The following DSCAML1 variants were observed in gnomAD, a reference collection of about 807,000 sequenced individuals.
DSCAML1 encodes the protein cell adhesion molecule DSCAML1.
In DSCAML1, 38 loss-of-function variants were observed where a neutral mutation model predicts 200.5. The observed-to-expected ratio is 0.19, with a 90% CI of 0.15 to 0.25. DSCAML1 has a LOEUF of 0.25. Among genes scored for constraint, DSCAML1 ranks in the 10% least tolerant of loss-of-function variants. The probability of loss-of-function intolerance (pLI) is 1.00; values close to 1 mark genes in which losing one functional copy is unlikely to be tolerated. For missense variants in DSCAML1, 2,223 were observed against 2,858.8 expected (o/e 0.78, Z 5.07); for synonymous variants, 1,215 against 1,165.0 (o/e 1.04, Z -0.87).
intron 5 of DSCAML1, among the ~76,000 whole-genome samples, chr11:117,522,111 G>A (rs10892135): frequency 0.23 from 34,968 of 152,164 alleles, 4,211 homozygotes; most frequent in East Asian, 0.34. Context: ...ACCTGCCTGC[G>A]ATTTCTGCAT....
chr11:117,690,441 C>T (rs975837521), intron 3 of DSCAML1, among the ~76,000 whole-genome samples: 1 of 152,268 alleles, frequency 6.6e-6, no homozygotes, highest in African/African-American at 2.4e-5. Context: ...CCAAGCTGCC[C>T]TCACGGGCCT....
intron 3 of DSCAML1, among the ~76,000 whole-genome samples, chr11:117,587,688 G>A (rs774317293): frequency 2.6e-5 from 4 of 152,194 alleles, no homozygotes; most frequent in Admixed American, 6.5e-5. Context: ...TACCCTCTGC[G>A]AGTGGAAAAG....
intron 1 of DSCAML1, among the ~76,000 whole-genome samples, chr11:117,793,993 G>A (rs928701475): frequency 6.6e-6 from 1 of 150,532 alleles, no homozygotes; most frequent in African/African-American, 2.5e-5. Context: ...CCTAAGTTGC[G>A]TTTGCCATTT....
At chr11:117,784,722 C>T (rs1261036263) in intron 1 of DSCAML1, among the ~76,000 whole-genome samples, 1 of 152,200 alleles carries the variant, frequency 6.6e-6, no homozygotes, top group Non-Finnish European at 1.5e-5. Flanking sequence ...TCTGGGTGCT[C>T]ACCCCTCACC....
intron 18 of DSCAML1, among the ~76,000 whole-genome samples, chr11:117,460,612 G>A (rs370178172): frequency 1.3e-5 from 2 of 152,276 alleles, no homozygotes; most frequent in South Asian, 4.1e-4. Flanking sequence ...TCCAGGTCAC[G>A]TGAAGGTCTG....
chr11:117,628,074 C>T (rs1471334475), intron 3 of DSCAML1, among the ~76,000 whole-genome samples: 2 of 152,192 alleles, frequency 1.3e-5, no homozygotes, highest in African/African-American at 2.4e-5. Context: ...GCATTTCAAC[C>T]TTATAGTATT....
intron 3 of DSCAML1, among the ~76,000 whole-genome samples, chr11:117,766,628 C>T (rs184437223): frequency 1.8e-4 from 28 of 152,326 alleles, no homozygotes; most frequent in Admixed American, 1.6e-3. Context: ...TGCTCTGTGT[C>T]CACCGCCAGG....
intron 3 of DSCAML1, among the ~76,000 whole-genome samples, chr11:117,672,164 T>C (rs1311408993): frequency 6.7e-6 from 1 of 150,360 alleles, no homozygotes; most frequent in Non-Finnish European, 1.5e-5. Flanking sequence ...CCCCTCATTT[T>C]GGAGATGAGG....
chr11:117,691,419 TG>T (rs1456833429), intron 3 of DSCAML1, among the ~76,000 whole-genome samples: 1 of 152,216 alleles, frequency 6.6e-6, no homozygotes, highest in Non-Finnish European at 1.5e-5. Flanking sequence ...ATTATGGTTA[TG>T]TATAATTCTG....
At chr11:117,610,474 A>G (rs1430730417) in intron 3 of DSCAML1, among the ~76,000 whole-genome samples, 1 of 151,992 alleles carries the variant, frequency 6.6e-6, no homozygotes, top group Non-Finnish European at 1.5e-5. Flanking sequence ...TACAAATGGA[A>G]TCTAGTTAGT....
At chr11:117,566,531 T>C (rs1429232137) in intron 3 of DSCAML1, among the ~76,000 whole-genome samples, 3 of 146,008 alleles carry the variant, frequency 2.1e-5, no homozygotes, top group Admixed American at 1.4e-4. Flanking sequence ...TATTTTTTTG[T>C]AGTGATGTGA....
intron 3 of DSCAML1, among the ~76,000 whole-genome samples, chr11:117,618,285 C>G (rs1056144863): frequency 6.6e-6 from 1 of 152,180 alleles, no homozygotes; most frequent in African/African-American, 2.4e-5. Context: ...ATGGGGAGCT[C>G]GCTACCATCT....
intron 11 of DSCAML1, among the ~76,000 whole-genome samples, chr11:117,494,127 A>G (rs1190677661): frequency 6.6e-6 from 1 of 152,206 alleles, no homozygotes; most frequent in Non-Finnish European, 1.5e-5. Flanking sequence ...AATGACTCTG[A>G]ACATCAGAAT....
At chr11:117,528,535 C>A (rs2050019567) in intron 4 of DSCAML1, among the ~76,000 whole-genome samples, 1 of 152,192 alleles carries the variant, frequency 6.6e-6, no homozygotes. Flanking sequence ...CTAGGCTAGG[C>A]TGGCTGGGGA....
intron 11 of DSCAML1, among the ~76,000 whole-genome samples, chr11:117,486,241 G>A (rs1420653830): frequency 8.6e-6 from 1 of 116,318 alleles, no homozygotes; most frequent in African/African-American, 3.2e-5. Context: ...TGGCGGATGG[G>A]AAAGTGGCGG....
Position 117,503,218 on chromosome 11 carries a change from T to C in DSCAML1, c.2359+627A>G, listed in dbSNP as rs927297655. Reference sequence around the variant, plus strand: ...CAGCACCGAGTTGTAATGAGCTGCATTGGTCCTTGGGCTTTTCTGAAGCAT... The same window carrying C: ...CAGCACCGAGTTGTAATGAGCTGCACTGGTCCTTGGGCTTTTCTGAAGCAT... On this transcript the variant is annotated intron_variant, in intron 11 of 32. Transcript: ENST00000651296. The surrounding 1 kb of genome is among the most constrained non-coding windows in gnomAD (Gnocchi z 5.2). Among the ~76,000 whole-genome samples, 1 of 152,168 alleles carries C rather than the reference T, an allele frequency of 6.6e-6. No individual in the cohort carries two copies. The highest frequency in any genetic ancestry group is 2.4e-5 in the African/African-American group (1 of 41,440).
chr11:117,812,142 T>C (rs1324622298), intron 1 of DSCAML1, among the ~76,000 whole-genome samples: 6 of 152,112 alleles, frequency 3.9e-5, no homozygotes, highest in Non-Finnish European at 8.8e-5. Flanking sequence ...TGCGTCCTCC[T>C]CTTGTATTCC....
intron 1 of DSCAML1, among the ~76,000 whole-genome samples, chr11:117,804,331 T>C (rs929664731): frequency 1.3e-5 from 2 of 152,188 alleles, no homozygotes; most frequent in Non-Finnish European, 2.9e-5. Flanking sequence ...ACCCAACAGG[T>C]GTCAACTCAG....
At chr11:117,538,299 A>AAAAG (rs2050203721) in intron 3 of DSCAML1, among the ~76,000 whole-genome samples, 1 of 152,216 alleles carries the variant, frequency 6.6e-6, no homozygotes, top group African/African-American at 2.4e-5. Flanking sequence ...GAAAATGGAG[A>AAAAG]AAAGAAATAG....
Sources: allele counts gnomAD v4.1 joint callset (sites outside exome capture counted in the v4.1 genomes callset), GRCh38; gene constraint gnomAD v4.1.1; non-coding constraint Gnocchi (gnomAD v3.1); transcripts MANE v1.5; gene names NCBI Gene and HGNC (gene_info 2026-07-23, HGNC 2026-07-21).